The following GFRA1 variants were observed in gnomAD, a reference collection of about 807,000 sequenced individuals.
GFRA1 encodes the protein GDNF family receptor alpha 1.
In GFRA1, 16 loss-of-function variants were observed where a neutral mutation model predicts 51.6. The observed-to-expected ratio is 0.31, with a 90% CI of 0.21 to 0.47. The LOEUF (loss-of-function observed/expected upper bound fraction) is 0.47, where lower values mean the gene tolerates loss of function less well. Among genes scored for constraint, GFRA1 ranks in the 20% least tolerant of loss-of-function variants. The probability of loss-of-function intolerance (pLI) is 1.00; values close to 1 mark genes in which losing one functional copy is unlikely to be tolerated. For missense variants in GFRA1, 530 were observed against 594.3 expected, an observed-to-expected ratio of 0.89 and a Z score of 1.13; for synonymous variants, 270 against 241.3, an observed-to-expected ratio of 1.12 and a Z score of -1.10.
At chr10:116,106,582 G>A (rs2251149) in intron 6 of GFRA1, among the ~76,000 whole-genome samples, 3 of 150,734 alleles carry the variant, frequency 2.0e-5, no homozygotes, top group African/African-American at 7.3e-5. Flanking sequence ...CTTGGGTAGC[G>A]AGTAGGTTCT....
chr10:116,089,367 C>T (rs947309682), intron 9 of GFRA1, among the ~76,000 whole-genome samples: 17 of 152,186 alleles, frequency 1.1e-4, no homozygotes, highest in Non-Finnish European at 2.1e-4. Flanking sequence ...CCTTTCCTTT[C>T]ATTATGCTGC....
chr10:116,131,441 A>G (rs1958098346), intron 5 of GFRA1, among the ~76,000 whole-genome samples: 1 of 152,170 alleles, frequency 6.6e-6, no homozygotes, highest in African/African-American at 2.4e-5. Context: ...TATGTCCACA[A>G]AAGACTTGAA....
At chr10:116,153,215 A>G (rs755175599) in intron 5 of GFRA1, among the ~76,000 whole-genome samples, 17 of 152,330 alleles carry the variant, frequency 1.1e-4, no homozygotes, top group Middle Eastern at 3.4e-3. Context: ...GTTGGACACG[A>G]AGGTTCTCAA....
intron 6 of GFRA1, among the ~76,000 whole-genome samples, chr10:116,109,014 A>C (rs1477059532): frequency 6.6e-6 from 1 of 152,228 alleles, no homozygotes; most frequent in Non-Finnish European, 1.5e-5. Flanking sequence ...GCAGAGGAGA[A>C]ACAGCAGCAG....
chr10:116,236,963 G>A (rs1165255082), intron 4 of GFRA1, among the ~76,000 whole-genome samples: 3 of 152,166 alleles, frequency 2.0e-5, no homozygotes, highest in Non-Finnish European at 4.4e-5. Flanking sequence ...AACTTAAAGT[G>A]CATTATCTCA....
chr10:116,136,896 GA>G (rs1958348737), intron 5 of GFRA1, among the ~76,000 whole-genome samples: 1 of 152,168 alleles, frequency 6.6e-6, no homozygotes, highest in Admixed American at 6.5e-5. Context: ...AATAAGGAAT[GA>G]ATATATGTAA....
intron 5 of GFRA1, among the ~76,000 whole-genome samples, chr10:116,180,675 G>A (rs1291718323): frequency 6.6e-6 from 1 of 152,048 alleles, no homozygotes; most frequent in Non-Finnish European, 1.5e-5. Flanking sequence ...CTGTTTCTAG[G>A]TTCCTTCTAT....
intron 4 of GFRA1, among the ~76,000 whole-genome samples, chr10:116,225,642 T>C (rs1966242710): frequency 6.6e-6 from 1 of 150,638 alleles, no homozygotes; most frequent in African/African-American, 2.4e-5. Context: ...CAGGCTGGAA[T>C]GCAGTGGTGT....
chr10:116,171,297 T>C (rs1287433877), intron 5 of GFRA1, among the ~76,000 whole-genome samples: 1 of 152,226 alleles, frequency 6.6e-6, no homozygotes, highest in Non-Finnish European at 1.5e-5. Flanking sequence ...ATACGGAGTA[T>C]AATTCTCTTT....
At chr10:116,178,949 G>T (rs1468496718) in intron 5 of GFRA1, among the ~76,000 whole-genome samples, 1 of 152,162 alleles carries the variant, frequency 6.6e-6, no homozygotes, top group East Asian at 1.9e-4. Flanking sequence ...TGCTTCAGGA[G>T]CCTGGAGCTC....
chr10:116,079,719 T>A, intron 9 of GFRA1, among the ~76,000 whole-genome samples: 1 of 152,170 alleles, frequency 6.6e-6, no homozygotes, highest in South Asian at 2.1e-4. Flanking sequence ...ATGTCAATAG[T>A]GCCAATGTCG....
intron 4 of GFRA1, among the ~76,000 whole-genome samples, chr10:116,252,423 C>T (rs894597824): frequency 6.6e-6 from 1 of 152,126 alleles, no homozygotes; most frequent in African/African-American, 2.4e-5. Context: ...AATTGCCGCC[C>T]TCACACTCAG....
At chr10:116,253,158 C>T (rs1565681908) in intron 4 of GFRA1, among the ~76,000 whole-genome samples, 1 of 152,202 alleles carries the variant, frequency 6.6e-6, no homozygotes, top group Admixed American at 6.5e-5. Flanking sequence ...CCACCAATTC[C>T]CCAGGGGCCT....
chr10:116,079,739 G>A (rs1955770509), intron 9 of GFRA1, among the ~76,000 whole-genome samples: 1 of 152,076 alleles, frequency 6.6e-6, no homozygotes, highest in Non-Finnish European at 1.5e-5. Context: ...GAGGAAGCCT[G>A]GCCTGGAAGA....
At chr10:116,142,019 G>A (rs769005570) in intron 5 of GFRA1, among the ~76,000 whole-genome samples, 5 of 152,182 alleles carry the variant, frequency 3.3e-5, no homozygotes, top group Non-Finnish European at 5.9e-5. Context: ...TGAAAGGAAA[G>A]CTTATTGCTG....
At chr10:116,166,299 T>G (rs1261791800) in intron 5 of GFRA1, among the ~76,000 whole-genome samples, 2 of 152,200 alleles carry the variant, frequency 1.3e-5, no homozygotes, top group East Asian at 3.9e-4. Context: ...TTTATATTCC[T>G]TTGGGTACAT....
chr10:116,142,128 GCA>G (rs1491327363), intron 5 of GFRA1, among the ~76,000 whole-genome samples: 1 of 106,048 alleles, frequency 9.4e-6, no homozygotes, highest in Admixed American at 9.5e-5. Context: ...ACCAAGCAGT[GCA>G]GGATTATTCA....
chr10:116,089,611 A>G (rs1410993521), intron 9 of GFRA1, 130 bp downstream of exon 9: 10 of 815,336 alleles, frequency 1.2e-5, no homozygotes, highest in Non-Finnish European at 2.2e-5. Flanking sequence ...TTTAAAATGC[A>G]GTTTTGAGAC....
chr10:116,173,106 T>G (rs1470548483), intron 5 of GFRA1, among the ~76,000 whole-genome samples: 1 of 152,232 alleles, frequency 6.6e-6, no homozygotes, highest in Non-Finnish European at 1.5e-5. Context: ...AAGCAAGTAC[T>G]TCTTTTTTTA....
Sources: allele counts gnomAD v4.1 joint callset (sites outside exome capture counted in the v4.1 genomes callset), GRCh38; gene constraint gnomAD v4.1.1; transcripts MANE v1.5; gene names NCBI Gene and HGNC (gene_info 2026-07-23, HGNC 2026-07-21).